Variants in DNAH10 observed in about 807,000 individuals in gnomAD.
DNAH10 encodes axonemal beta dynein heavy chain 10.
In DNAH10, 348 loss-of-function variants were observed where a neutral mutation model predicts 506.6. The observed-to-expected ratio is 0.69, with a 90% confidence interval of 0.63 to 0.75. DNAH10 has a LOEUF of 0.75. Ranked by LOEUF, DNAH10 falls within the 30% of genes least tolerant of loss-of-function variation. The probability of loss-of-function intolerance (pLI) is 0.00; values close to 1 mark genes in which losing one functional copy is unlikely to be tolerated. For synonymous variants in DNAH10, 2,059 were observed against 2,198.6 expected, an observed-to-expected ratio of 0.94 and a Z score of 1.78; for missense variants, 5,179 against 5,787.1, an observed-to-expected ratio of 0.89 and a Z score of 3.41.
At chr12:123,874,352 C>T (rs1299551144) in intron 46 of DNAH10, among the ~76,000 whole-genome samples, 1 of 150,330 alleles carries the variant, frequency 6.7e-6, no homozygotes, top group Non-Finnish European at 1.5e-5. Context: ...TTCATCCATC[C>T]ATGTGTCTGT....
intron 14 of DNAH10, 72 bp from the exon 15 acceptor site, chr12:123,800,144 T>A (rs538035412): frequency 1.4e-6 from 2 of 1,475,898 alleles, no homozygotes; most frequent in African/African-American, 2.8e-5. Context: ...TGTTCACTTT[T>A]GGTGTGGGTT....
Position 123,853,102 on chromosome 12 carries a change from G to A in DNAH10, c.6292-104G>A, listed in dbSNP as rs1951238486. 2.4e-6 allele frequency: 3 copies of A among 1,251,328 alleles called. No homozygotes were observed. The highest frequency in any genetic ancestry group is 4.1e-5 in the South Asian group (2 of 49,000). 77.5% of individuals were successfully genotyped at this position (1,251,328 alleles called of 1,614,324 possible). On this transcript the variant is annotated intron_variant, in intron 35 of 78. Coordinates refer to ENST00000673944, the MANE Select transcript of DNAH10 (RefSeq NM_001372106.1). This position sits in a 1 kb window ranked among gnomAD's most constrained non-coding sequence, Gnocchi z 4.7. Reference sequence around the variant, plus strand: ...TGCTTATTTGTAGAGCAGCTGCACTGGAACACCTGCCCCCGTTTTCTTGCA... The same window carrying A: ...TGCTTATTTGTAGAGCAGCTGCACTAGAACACCTGCCCCCGTTTTCTTGCA...
chr12:123,784,259 G>A, intron 8 of DNAH10, 82 bp downstream of exon 8: 1 of 1,439,266 alleles, frequency 6.9e-7, no homozygotes, highest in Middle Eastern at 1.8e-4. Context: ...AAAATGTTCA[G>A]CATTTGGCCA....
chr12:123,784,010 C>T lies in DNAH10; in HGVS notation c.1063C>T (p.His355Tyr), dbSNP rs1321859037. The T allele has an allele frequency of 6.2e-7, 1 of 1,614,090 alleles. No homozygotes were observed. Among genetic ancestry groups the T allele is most frequent in the Non-Finnish European group, 8.5e-7 (1 of 1,180,046 alleles). Residue 355 changes from histidine (H) to tyrosine (Y), a missense_variant, in exon 8 of 79, where the codon CAT becomes TAT. By Grantham distance (83) the His-to-Tyr change is moderately conservative. Coordinates refer to ENST00000673944, the MANE Select transcript of DNAH10 (RefSeq NM_001372106.1). ...RERNATLSAL[H>Y]EQTKLPIVRK... The stretch of plus-strand genomic sequence containing the variant: ...AAGAAATGCAACCTTAAGTGCGCTG[C>T]ATGAACAAACAAAGCTTCCAATAGT...
chr12:123,813,677 G>C (rs75207436), intron 20 of DNAH10, 37 bp downstream of exon 20: 12 of 1,612,676 alleles, frequency 7.4e-6, no homozygotes, highest in Non-Finnish European at 8.5e-6. Context: ...ACTACTTTTC[G>C]TGTAAGTTGG....
In DNAH10 at chr12:123,925,131, A is replaced by G; in HGVS notation, c.11848A>G (p.Ile3950Val). 1 of 1,613,912 alleles carries G rather than the reference A, an allele frequency of 6.2e-7. No homozygotes were observed. The highest frequency in any genetic ancestry group is 8.5e-7 in the Non-Finnish European group (1 of 1,179,882). The change falls in exon 68 of 79, where the codon ATT becomes GTT. Residue 3950 changes from isoleucine (I) to valine (V), a missense_variant. Ile to Val is a conservative substitution (Grantham distance 29). This residue lies in a region of DNAH10 where 4,844 missense variants were observed against 5,430.5 expected (regional missense o/e 0.89). Transcript: ENST00000673944. This position sits in a 1 kb window ranked among gnomAD's most constrained non-coding sequence, Gnocchi z 4.0. ...CATCACCCCTTTCCAGAAGTTGCTT[A>G]TTTTGCGCTGTTTCCGTGTGGATCG... ...NNITPFQKLL[I>V]LRCFRVDRVY...
chr12:123,924,439 C>A lies in DNAH10; in HGVS notation c.11766+7C>A, dbSNP rs1954850883. The A allele has an allele frequency of 6.2e-7, 1 of 1,607,442 alleles. No individual in the cohort carries two copies. Among genetic ancestry groups the A allele is most frequent in the Non-Finnish European group, 8.5e-7 (1 of 1,174,722 alleles). ...TCAGACTGTCTGGCAGGAGGTGAGC[C>A]CACGTTCCCTTTCTCCTCCTCTCCT... is the stretch of plus-strand genomic sequence containing the variant. On this transcript the variant is annotated splice_region_variant and intron_variant, in intron 67 of 78. Transcript: ENST00000673944.
In DNAH10 at chr12:123,919,083, C is replaced by CG; in HGVS notation, c.11506+134_11506+135insG. 1 of 1,080,040 alleles carries CG rather than the reference C, an allele frequency of 9.3e-7. No individual in the cohort carries two copies. Among genetic ancestry groups the CG allele is most frequent in the Non-Finnish European group, 1.2e-6 (1 of 806,236 alleles). 66.9% of individuals were successfully genotyped at this position (1,080,040 alleles called of 1,614,324 possible). On this transcript the variant is annotated intron_variant, in intron 65 of 78. Transcript: ENST00000673944. This position sits in a 1 kb window ranked among gnomAD's most constrained non-coding sequence, Gnocchi z 4.9. ...CTTTTTTCTTTCTTTCTTTCTTTTT[C>CG]TTTTTTTTTTGAGATAGGGTCTTGC...
Position 123,907,415 on chromosome 12 carries a change from C to A in DNAH10, c.9816-1846C>A, listed in dbSNP as rs1331507497. The stretch of plus-strand genomic sequence containing the variant: ...TTGTTTTGTGATAGAAGAAAGGAAT[C>A]AAATTAAACAGACATCTCCCTTTCT... On this transcript the variant is annotated intron_variant, in intron 57 of 78. Transcript: ENST00000673944. This position sits in a 1 kb window ranked among gnomAD's most constrained non-coding sequence, Gnocchi z 4.4. Among the ~76,000 whole-genome samples the A allele has an allele frequency of 6.6e-6, 1 of 152,182 alleles. No homozygotes were observed. The highest frequency in any genetic ancestry group is 1.5e-5 in the Non-Finnish European group (1 of 68,034).
Position 123,934,778 on chromosome 12 carries a change from A to T in DNAH10, c.13623+12A>T. 6.2e-7 allele frequency: 1 copy of T among 1,613,070 alleles called. No individual in the cohort carries two copies. The highest frequency in any genetic ancestry group is 2.2e-5 in the East Asian group (1 of 44,872). On this transcript the variant is annotated intron_variant, in intron 78 of 78. Transcript: ENST00000673944. ...GCCTCAAGCTGCAGGTGAAGGTCCC[A>T]GCCCCTCCTCTCTGACACCAGGGCC...
rs1398880529 is a variant in DNAH10 at position 123,875,427 on chromosome 12, T to C, written c.8135T>C (p.Val2712Ala). 1.9e-6 allele frequency: 3 copies of C among 1,613,940 alleles called. No individual in the cohort carries two copies. Among genetic ancestry groups the C allele is most frequent in the Non-Finnish European group, 2.5e-6 (3 of 1,179,922 alleles). The change falls in exon 47 of 79, where the codon GTG (valine) becomes GCG (alanine). Residue 2712 changes from valine (V) to alanine (A), a missense_variant. This residue lies in a region of DNAH10 where 4,844 missense variants were observed against 5,430.5 expected (regional missense o/e 0.89). Coordinates refer to ENST00000673944, the MANE Select transcript of DNAH10 (RefSeq NM_001372106.1). ...RFISLFSVFN[V>A]PFPSEESLHL... ...ATTTCGCTATTCAGTGTCTTCAATG[T>C]GCCATTTCCTTCAGAGGAGTCTCTG...
rs1960452030 is a variant in DNAH10, at chr12:123,830,682, G to A, written c.4528G>A (p.Glu1510Lys). ...LNEIVTAAIK[E>K]VAIEKAVKEI... ...TGAGATTGTCACAGCAGCAATCAAG[G>A]AGGTTGCCATTGAGAAGGTAAGACT... Residue 1510 changes from glutamate to lysine, a missense_variant, in exon 26 of 79, where the codon GAG becomes AAG. Glu to Lys is a moderately conservative substitution (Grantham distance 56). Around this residue, in one of 3 missense-constraint regions of DNAH10, gnomAD observed 4,844 missense variants for 5,430.5 expected, o/e 0.89. Transcript: ENST00000673944. The A allele has an allele frequency of 6.2e-7, 1 of 1,611,158 alleles. No individual in the cohort carries two copies. Among genetic ancestry groups the A allele is most frequent in the Non-Finnish European group, 8.5e-7 (1 of 1,178,834 alleles).
At chr12:123,837,989 G>T (rs1341289685) in intron 28 of DNAH10, among the ~76,000 whole-genome samples, 1 of 152,074 alleles carries the variant, frequency 6.6e-6, no homozygotes, top group Non-Finnish European at 1.5e-5. Flanking sequence ...GCAGATGATT[G>T]ACCTGTTGCT....
At chr12:123,865,353 G>A (rs35160039) in intron 40 of DNAH10, among the ~76,000 whole-genome samples, 1 of 151,866 alleles carries the variant, frequency 6.6e-6, no homozygotes, top group Non-Finnish European at 1.5e-5. Context: ...CTATCTCTTA[G>A]GATATGGACT....
intron 39 of DNAH10, among the ~76,000 whole-genome samples, chr12:123,862,713 A>G (rs1342639024): frequency 1.3e-5 from 2 of 152,178 alleles, no homozygotes; most frequent in African/African-American, 2.4e-5. Flanking sequence ...TATAGTGAAT[A>G]TAAATGGAGA....
chr12:123,867,868 A>G lies in DNAH10; in HGVS notation c.7303-35A>G, dbSNP rs368014958. The G allele has an allele frequency of 5.7e-5, 90 of 1,590,712 alleles. No individual in the cohort carries two copies. The African/African-American group carries it at 9.2e-4, about 16-fold the overall frequency. ...GGAATGGACTCTGTGGGGGTGGACT[A>G]TGTGGGCTGAACCAGATATTTTCCT... On this transcript the variant is annotated intron_variant, in intron 42 of 78. Transcript: ENST00000673944.
intron 1 of DNAH10, among the ~76,000 whole-genome samples, chr12:123,765,856 C>T (rs1307547084): frequency 6.9e-6 from 1 of 144,490 alleles, no homozygotes; most frequent in Non-Finnish European, 1.5e-5. Context: ...TACCTACCTA[C>T]CTATACATCT....
rs539933834 is a variant in DNAH10, at chr12:123,886,908, G to A, written c.8824-234G>A. 8.5e-5 allele frequency among the ~76,000 whole-genome samples: 13 copies of A among 152,290 alleles called. No individual in the cohort carries two copies. The South Asian group carries it at 1.9e-3, about 22-fold the overall frequency. On this transcript the variant is annotated intron_variant, in intron 51 of 78. Coordinates refer to ENST00000673944, the MANE Select transcript of DNAH10 (RefSeq NM_001372106.1). ...CTGTAAACTGCAGTATGTGGCTGGC[G>A]TTCACCTTGGGGTACATTCTTCCCC...
rs1951263649 is a variant in DNAH10 at position 123,853,669 on chromosome 12, T to C, written c.6438+317T>C. ...GACTAACAAAATTCTCATGAAAGCA[T>C]GAAGGTGAGTTGTTATTTTCTCTTT... On this transcript the variant is annotated intron_variant, in intron 36 of 78. Transcript: ENST00000673944. The surrounding 1 kb of genome is among the most constrained non-coding windows in gnomAD (Gnocchi z 4.7). Among the ~76,000 whole-genome samples the C allele has an allele frequency of 6.6e-6, 1 of 152,086 alleles. No individual in the cohort carries two copies. Among genetic ancestry groups the C allele is most frequent in the Non-Finnish European group, 1.5e-5 (1 of 68,000 alleles).
Sources: gnomAD v4.1 joint callset for allele counts (sites outside exome capture counted in the v4.1 genomes callset) on GRCh38, gnomAD v4.1.1 for gene constraint, gnomAD v4.1.1 regional missense constraint, Gnocchi (gnomAD v3.1) non-coding constraint, MANE v1.5 for transcripts, NCBI Gene and HGNC (gene_info 2026-07-23, HGNC 2026-07-21) for gene names.